KCNN2: variants seen among roughly 807,000 people sequenced by gnomAD.
KCNN2 encodes small conductance calcium-activated potassium channel protein 2.
Under a neutral mutation model 55.5 loss-of-function variants are expected in KCNN2, and 24 were observed. The observed-to-expected ratio is 0.43, with a 90% confidence interval of 0.31 to 0.61. The LOEUF (loss-of-function observed/expected upper bound fraction) is 0.61, where lower values mean the gene tolerates loss of function less well. Ranked by LOEUF, KCNN2 falls within the 20% of genes least tolerant of loss-of-function variation. The pLI is 0.08. For missense variants in KCNN2, 754 were observed against 853.6 expected (o/e 0.88, Z 1.45); for synonymous variants, 431 against 336.1 (o/e 1.28, Z -3.09).
intron 4 of KCNN2, among the ~76,000 whole-genome samples, chr5:114,468,870 A>G (rs1288150177): frequency 6.6e-6 from 1 of 152,132 alleles, no homozygotes; most frequent in Non-Finnish European, 1.5e-5. Context: ...GTTTTTCAAA[A>G]TGATTCTTGG....
At chr5:114,181,782 T>A (rs887004350) in intron 1 of KCNN2, among the ~76,000 whole-genome samples, 2 of 152,082 alleles carry the variant, frequency 1.3e-5, no homozygotes, top group Non-Finnish European at 2.9e-5. Flanking sequence ...TTTGGGAGGC[T>A]GAGGTGGGCA....
intron 1 of KCNN2, among the ~76,000 whole-genome samples, chr5:114,127,228 TG>T (rs1751954671): frequency 1.3e-5 from 2 of 152,072 alleles, no homozygotes; most frequent in African/African-American, 4.8e-5. Flanking sequence ...GTGTAGGGGC[TG>T]GGGGCTCCGG....
chr5:114,066,884 T>C (rs1194571386), intron 1 of KCNN2, among the ~76,000 whole-genome samples: 1 of 152,156 alleles, frequency 6.6e-6, no homozygotes, highest in Non-Finnish European at 1.5e-5. Context: ...TGGCTATGAT[T>C]CAAGTTTTGA....
chr5:114,129,921 AT>A lies in KCNN2; in HGVS notation c.-271+73423del, dbSNP rs1752036670. 2.0e-5 allele frequency among the ~76,000 whole-genome samples: 3 copies of A among 152,186 alleles called. No individual in the cohort carries two copies. In the South Asian group the frequency reaches 6.2e-4, roughly 32 times the overall value. ...GACCTCCAAACACATCAAGCCCAAA[AT>A]TCTTCCATAGGGTTATTAGGTATAA... On this transcript the variant is annotated intron_variant, in intron 1 of 10. Transcript: ENST00000512097.
At chr5:114,227,994 CGATGATGAT>C (rs67331767) in intron 2 of KCNN2, among the ~76,000 whole-genome samples, 71 of 151,554 alleles carry the variant, frequency 4.7e-4, no homozygotes, top group African/African-American at 1.7e-3. Flanking sequence ...ATGATGATGA[CGATGATGAT>C]GATGATGATG....
intron 1 of KCNN2, among the ~76,000 whole-genome samples, chr5:114,162,003 A>G (rs551814336): frequency 1.3e-5 from 2 of 152,172 alleles, no homozygotes; most frequent in African/African-American, 4.8e-5. Flanking sequence ...CTCTCAGCTC[A>G]TGAAAGTCAT....
intron 5 of KCNN2, 140 bp from the exon 6 acceptor site, chr5:114,486,909 GA>G: frequency 1.7e-6 from 2 of 1,208,260 alleles, no homozygotes; most frequent in Non-Finnish European, 2.4e-6. Context: ...ATAGATTAAA[GA>G]AAAATGGTAT....
rs183196696 is a variant in KCNN2 at position 114,478,899 on chromosome 5, C to T, written c.1890+5735C>T. On this transcript the variant is annotated intron_variant, in intron 5 of 7. Transcript: ENST00000673685. ...GCCTTTCAAGATCTCCTGAAGGAAG[C>T]ACTAAATATGGAAAGGAAAAGCCGT... 1.4e-3 allele frequency among the ~76,000 whole-genome samples: 209 copies of T among 152,172 alleles called. 2 individuals are homozygous for T. Among genetic ancestry groups the T allele is most frequent in the Middle Eastern group, 3.4e-3 (1 of 294 alleles).
Position 114,473,177 on chromosome 5 carries a change from C to G in KCNN2, c.1890+13C>G. 1 of 1,414,920 alleles carries G rather than the reference C, an allele frequency of 7.1e-7. No homozygotes were observed. The highest frequency in any genetic ancestry group is 1.0e-6 in the Non-Finnish European group (1 of 1,003,356). The allele number at this position is 1,414,920 out of a possible 1,614,324, so 87.6% of individuals were successfully genotyped here. A position where few individuals can be genotyped will look rare whatever the true frequency, so the allele number is the denominator to read the frequency against. On this transcript the variant is annotated intron_variant, in intron 5 of 7. Coordinates refer to ENST00000673685, the MANE Select transcript of KCNN2 (RefSeq NM_021614.4). Reference sequence around the variant, plus strand: ...GCTGACTAAAAGAGTAAGTTACTATCCATATATCTTCAAAGAGAATATTAT... The same window carrying G: ...GCTGACTAAAAGAGTAAGTTACTATGCATATATCTTCAAAGAGAATATTAT...
At chr5:114,120,941 C>T (rs1751820076) in intron 1 of KCNN2, among the ~76,000 whole-genome samples, 2 of 152,204 alleles carry the variant, frequency 1.3e-5, no homozygotes, top group African/African-American at 2.4e-5. Flanking sequence ...AGCAGTACTT[C>T]CCTTAGACCT....
intron 1 of KCNN2, among the ~76,000 whole-genome samples, chr5:114,133,798 C>T (rs1457894711): frequency 6.6e-6 from 1 of 152,172 alleles, no homozygotes; most frequent in Non-Finnish European, 1.5e-5. Flanking sequence ...TCAATGCTTA[C>T]CCTTGTTGTA....
intron 2 of KCNN2, among the ~76,000 whole-genome samples, chr5:114,356,690 G>C (rs756492203): frequency 6.6e-6 from 1 of 152,056 alleles, no homozygotes; most frequent in Non-Finnish European, 1.5e-5. Flanking sequence ...AAATTTATAA[G>C]ACCATCACCA....
intron 2 of KCNN2, among the ~76,000 whole-genome samples, chr5:114,364,438 G>T (rs1263154462): frequency 6.6e-6 from 1 of 151,910 alleles, no homozygotes; most frequent in Non-Finnish European, 1.5e-5. Context: ...AAGAAAACTG[G>T]GTGATGAGTT....
At chr5:114,323,210 A>C (rs1383507521) in intron 2 of KCNN2, among the ~76,000 whole-genome samples, 1 of 152,232 alleles carries the variant, frequency 6.6e-6, no homozygotes, top group African/African-American at 2.4e-5. Flanking sequence ...GCTCCTCAGT[A>C]GGAAACTGCA....
chr5:114,388,996 C>G (rs920638555), intron 2 of KCNN2, among the ~76,000 whole-genome samples: 1 of 151,970 alleles, frequency 6.6e-6, no homozygotes, highest in Admixed American at 6.6e-5. Context: ...GTGATGTTCT[C>G]TGGTAATTGA....
intron 2 of KCNN2, among the ~76,000 whole-genome samples, chr5:114,316,670 C>T (rs1041951575): frequency 5.3e-5 from 8 of 152,146 alleles, no homozygotes; most frequent in African/African-American, 1.9e-4. Flanking sequence ...AAAATAAATG[C>T]ATATGAAAAA....
At chr5:114,396,777 C>A (rs183504346) in intron 2 of KCNN2, among the ~76,000 whole-genome samples, 49 of 152,160 alleles carry the variant, frequency 3.2e-4, no homozygotes, top group African/African-American at 1.2e-3. Context: ...GAACTCCTGA[C>A]CTTGTGATCT....
At chr5:114,174,505 A>G (rs1290343646) in intron 1 of KCNN2, among the ~76,000 whole-genome samples, 1 of 152,080 alleles carries the variant, frequency 6.6e-6, no homozygotes. Flanking sequence ...TTCTTACTTC[A>G]CTTCTGAACT....
At chr5:114,262,256 G>A (rs1015058939) in intron 2 of KCNN2, among the ~76,000 whole-genome samples, 16 of 152,050 alleles carry the variant, frequency 1.1e-4, no homozygotes, top group African/African-American at 3.4e-4. Context: ...TTCCATTAAT[G>A]GCTTAACTTG....
Sources: allele counts gnomAD v4.1 joint callset (sites outside exome capture counted in the v4.1 genomes callset), GRCh38; gene constraint gnomAD v4.1.1; transcripts MANE v1.5; gene names NCBI Gene and HGNC (gene_info 2026-07-23, HGNC 2026-07-21).